MAF: variants seen among roughly 807,000 people sequenced by gnomAD.
MAF encodes the protein MAF bZIP transcription factor.
MAF carries 10 observed loss-of-function variants against 22.0 expected under a neutral mutation model. That is an observed-to-expected ratio of 0.45 (90% confidence interval 0.28 to 0.77). The LOEUF is 0.77. Ranked by LOEUF, MAF falls within the 30% of genes least tolerant of loss-of-function variation. MAF has a pLI of 0.12. For synonymous variants in MAF, 337 were observed against 255.8 expected (o/e 1.32, Z -3.03); for missense variants, 544 against 548.4 (o/e 0.99, Z 0.08).
At chr16:79,264,047 CT>C in the MAF span, among the ~76,000 whole-genome samples, 1 of 152,286 alleles carries the variant, frequency 6.6e-6, no homozygotes, top group South Asian at 2.1e-4. Flanking sequence ...TCCGCTGTGT[CT>C]GTAAATGGAG....
chr16:79,465,421 G>A, the MAF span, among the ~76,000 whole-genome samples: 1 of 152,030 alleles, frequency 6.6e-6, no homozygotes, highest in Non-Finnish European at 1.5e-5. Context: ...GGCAAGACCA[G>A]TCTCTACAAA....
the MAF span, among the ~76,000 whole-genome samples, chr16:79,207,340 T>G: frequency 6.6e-6 from 1 of 152,374 alleles, no homozygotes; most frequent in African/African-American, 2.4e-5. Flanking sequence ...GTGTCTTTCC[T>G]TTTAGCCAAA....
the MAF span, among the ~76,000 whole-genome samples, chr16:79,382,685 T>C: frequency 6.6e-6 from 1 of 152,226 alleles, no homozygotes; most frequent in African/African-American, 2.4e-5. Flanking sequence ...ACTAGTAACA[T>C]GTCTGTAAGC....
the MAF span, among the ~76,000 whole-genome samples, chr16:79,234,787 C>G: frequency 6.6e-6 from 1 of 152,118 alleles, no homozygotes; most frequent in Non-Finnish European, 1.5e-5. Context: ...CCAGTCCTGC[C>G]TGAGGTGGGT....
At chr16:79,533,857 T>G in the MAF span, among the ~76,000 whole-genome samples, 1 of 152,202 alleles carries the variant, frequency 6.6e-6, no homozygotes, top group African/African-American at 2.4e-5. Context: ...CTCCCTCCTC[T>G]GTTGCCATCA....
At chr16:79,399,613 G>T in the MAF span, among the ~76,000 whole-genome samples, 1 of 152,100 alleles carries the variant, frequency 6.6e-6, no homozygotes, top group Non-Finnish European at 1.5e-5. Context: ...CCCCAGCCAG[G>T]GAGGGGTGTT....
chr16:79,214,442 G>A, the MAF span, among the ~76,000 whole-genome samples: 3 of 152,098 alleles, frequency 2.0e-5, no homozygotes, highest in African/African-American at 7.2e-5. Context: ...CATTACCACT[G>A]TCGCCCGGGC....
At chr16:79,524,926 G>A in the MAF span, among the ~76,000 whole-genome samples, 1 of 152,160 alleles carries the variant, frequency 6.6e-6, no homozygotes, top group Non-Finnish European at 1.5e-5. Context: ...ATACAGCCAC[G>A]TGAGGTTTGC....
the MAF span, among the ~76,000 whole-genome samples, chr16:79,363,462 A>C: frequency 6.6e-6 from 1 of 152,250 alleles, no homozygotes; most frequent in Non-Finnish European, 1.5e-5. Flanking sequence ...CAATTGTATA[A>C]TATGTTGTTT....
chr16:79,588,950 T>A (rs1286093601), downstream of MAF, among the ~76,000 whole-genome samples: 1 of 152,202 alleles, frequency 6.6e-6, no homozygotes, highest in Admixed American at 6.5e-5. Flanking sequence ...ACCGAGGGTT[T>A]TTCCGCCTTC....
chr16:79,452,698 T>C, the MAF span, among the ~76,000 whole-genome samples: 2 of 152,156 alleles, frequency 1.3e-5, no homozygotes, highest in Admixed American at 1.3e-4. Context: ...GGAGTCAGCA[T>C]GGCCATGCAA....
chr16:79,543,256 T>G, the MAF span, among the ~76,000 whole-genome samples: 5 of 152,350 alleles, frequency 3.3e-5, no homozygotes, highest in East Asian at 9.6e-4. Flanking sequence ...TTCCCCAGTA[T>G]CTTGGAGACA....
the MAF span, among the ~76,000 whole-genome samples, chr16:79,454,489 A>C: frequency 6.6e-6 from 1 of 152,214 alleles, no homozygotes; most frequent in African/African-American, 2.4e-5. Flanking sequence ...AGAGTAAATG[A>C]AATTAGAAGA....
the MAF span, among the ~76,000 whole-genome samples, chr16:79,504,283 A>T: frequency 0.1 from 15,464 of 152,176 alleles, 1,120 homozygotes; most frequent in Admixed American, 0.21. Flanking sequence ...TTTGTCCCTT[A>T]TAGCTGATAG....
the MAF span, among the ~76,000 whole-genome samples, chr16:79,296,036 T>A: frequency 6.6e-6 from 1 of 152,190 alleles, no homozygotes; most frequent in African/African-American, 2.4e-5. Context: ...GCTGAATCAG[T>A]CCTCCATGTG....
At chr16:79,330,450 G>T in the MAF span, among the ~76,000 whole-genome samples, 3 of 152,192 alleles carry the variant, frequency 2.0e-5, no homozygotes, top group Admixed American at 2.0e-4. Flanking sequence ...TTTGAGCAGA[G>T]TTGGAGGAAT....
the MAF span, among the ~76,000 whole-genome samples, chr16:79,284,398 G>C: frequency 6.6e-6 from 1 of 152,058 alleles, no homozygotes; most frequent in African/African-American, 2.4e-5. Flanking sequence ...GGTTCCACTG[G>C]GTAATTACAA....
the MAF span, among the ~76,000 whole-genome samples, chr16:79,497,618 A>T: frequency 5.4e-4 from 82 of 152,220 alleles, no homozygotes; most frequent in Non-Finnish European, 1.1e-3. Flanking sequence ...TGACCCCAAG[A>T]CGAGGAATCT....
the MAF span, among the ~76,000 whole-genome samples, chr16:79,507,131 T>G: frequency 4.2e-5 from 5 of 119,108 alleles, no homozygotes; most frequent in South Asian, 1.4e-3. Flanking sequence ...TTTTTTTTTT[T>G]GAGATGGAGT....
Sources: allele counts gnomAD v4.1 joint callset (sites outside exome capture counted in the v4.1 genomes callset), GRCh38; gene constraint gnomAD v4.1.1; transcripts MANE v1.5; gene names NCBI Gene and HGNC (gene_info 2026-07-23, HGNC 2026-07-21).